TBC1D4: variants seen among roughly 807,000 people sequenced by gnomAD.
TBC1D4 encodes TBC (Tre-2, BUB2, CDC16) domain-containing protein.
TBC1D4 carries 121 observed loss-of-function variants against 142.5 expected under a neutral mutation model. The observed-to-expected ratio is 0.85, with a 90% CI of 0.73 to 0.99. The LOEUF is 0.99. TBC1D4 is among the 50% of genes least tolerant of loss of function. The pLI, the probability that TBC1D4 is intolerant of heterozygous loss-of-function variation, is 0.00. For missense variants in TBC1D4, 1,475 were observed against 1,606.6 expected (o/e 0.92, Z 1.40); for synonymous variants, 630 against 628.2 (o/e 1.00, Z -0.04).
intron 1 of TBC1D4, among the ~76,000 whole-genome samples, chr13:75,480,042 A>AC (rs1227222066): frequency 1.3e-5 from 2 of 151,880 alleles, no homozygotes; most frequent in African/African-American, 4.8e-5. Flanking sequence ...AAAAAAAAAA[A>AC]ACCTATTTTT....
chr13:75,335,402 C>A (rs990722823), intron 8 of TBC1D4, among the ~76,000 whole-genome samples: 3 of 152,126 alleles, frequency 2.0e-5, no homozygotes, highest in Non-Finnish European at 4.4e-5. Flanking sequence ...GAAGGGGAAC[C>A]ATTTTGCTTA....
At chr13:75,323,993 A>G (rs1879000954) in intron 11 of TBC1D4, among the ~76,000 whole-genome samples, 1 of 152,192 alleles carries the variant, frequency 6.6e-6, no homozygotes, top group Non-Finnish European at 1.5e-5. Flanking sequence ...GAAACACACA[A>G]ACAATACAAA....
At chr13:75,341,056 A>T (rs1257255787) in intron 7 of TBC1D4, 69 bp downstream of exon 7, 17 of 1,409,110 alleles carry the variant, frequency 1.2e-5, no homozygotes, top group Non-Finnish European at 1.6e-5. Context: ...ACCTGAGAGT[A>T]CAAAGGGAAG....
chr13:75,407,104 C>T (rs1026071625), intron 1 of TBC1D4, among the ~76,000 whole-genome samples: 4 of 152,176 alleles, frequency 2.6e-5, no homozygotes, highest in Non-Finnish European at 4.4e-5. Context: ...TTCATCCAGC[C>T]CCCTCAATGA....
At chr13:75,313,590 C>T (rs557357327) in intron 12 of TBC1D4, among the ~76,000 whole-genome samples, 2 of 152,354 alleles carry the variant, frequency 1.3e-5, no homozygotes, top group East Asian at 3.9e-4. Context: ...GGCGCAATCA[C>T]AGCTCATTGC....
At chr13:75,341,968 A>G (rs1880742385) in intron 5 of TBC1D4, among the ~76,000 whole-genome samples, 1 of 152,210 alleles carries the variant, frequency 6.6e-6, no homozygotes, top group Admixed American at 6.5e-5. Flanking sequence ...TGGCCACAGT[A>G]TGGCAGGACT....
intron 8 of TBC1D4, among the ~76,000 whole-genome samples, chr13:75,335,545 T>C (rs1880124526): frequency 6.6e-6 from 1 of 152,156 alleles, no homozygotes; most frequent in Non-Finnish European, 1.5e-5. Context: ...TCATGTCAGA[T>C]TGTAATTCCC....
intron 19 of TBC1D4, among the ~76,000 whole-genome samples, 176 bp downstream of exon 19, chr13:75,291,926 G>A (rs1044774257): frequency 6.6e-6 from 1 of 152,178 alleles, no homozygotes; most frequent in East Asian, 1.9e-4. Context: ...AGCATTTTTT[G>A]TGCATAGCCA....
chr13:75,422,561 C>A (rs1555320019), intron 1 of TBC1D4, among the ~76,000 whole-genome samples: 1 of 152,084 alleles, frequency 6.6e-6, no homozygotes, highest in African/African-American at 2.4e-5. Flanking sequence ...AAAGAAAATC[C>A]TTTCGAACTT....
chr13:75,293,783 G>GTA (rs1211415610), intron 18 of TBC1D4, among the ~76,000 whole-genome samples: 2 of 152,058 alleles, frequency 1.3e-5, no homozygotes, highest in Non-Finnish European at 1.5e-5. Context: ...TTGTAATCTG[G>GTA]TATATATATA....
chr13:75,468,767 T>G (rs192925649), intron 1 of TBC1D4, among the ~76,000 whole-genome samples: 1 of 152,312 alleles, frequency 6.6e-6, no homozygotes, highest in Non-Finnish European at 1.5e-5. Flanking sequence ...AATCTGCTCC[T>G]GTGGACTTAA....
chr13:75,292,053 A>G, intron 19 of TBC1D4, 49 bp downstream of exon 19: 2 of 1,482,082 alleles, frequency 1.3e-6, no homozygotes, highest in Non-Finnish European at 1.9e-6. Context: ...TTTAATATAT[A>G]TTCAGTAGAG....
chr13:75,334,141 C>T (rs1880001698), intron 8 of TBC1D4, among the ~76,000 whole-genome samples: 1 of 152,000 alleles, frequency 6.6e-6, no homozygotes, highest in African/African-American at 2.4e-5. Context: ...TCAATATATT[C>T]ATTTATTTTT....
chr13:75,439,640 T>A (rs962450976), intron 1 of TBC1D4, among the ~76,000 whole-genome samples: 1 of 152,180 alleles, frequency 6.6e-6, no homozygotes, highest in African/African-American at 2.4e-5. Flanking sequence ...CTGGCAAGGT[T>A]TTTGTTGTTG....
chr13:75,380,638 G>A (rs966238593), intron 1 of TBC1D4, among the ~76,000 whole-genome samples: 10 of 151,506 alleles, frequency 6.6e-5, no homozygotes, highest in Admixed American at 1.3e-4. Context: ...GTTCCCACAC[G>A]TTAACTCTAC....
intron 1 of TBC1D4, among the ~76,000 whole-genome samples, chr13:75,409,898 G>A (rs1167153782): frequency 6.6e-6 from 1 of 152,134 alleles, no homozygotes; most frequent in Non-Finnish European, 1.5e-5. Flanking sequence ...ATCATCTCTG[G>A]AGGAAATGAA....
rs113011284 is a variant in TBC1D4, at chr13:75,348,187, T to C, written c.1408+983A>G. Reference sequence around the variant, plus strand: ...AAAAACCTGTGTTTGATCACATAGTTGTGTAAACATTCAACGAATACTGTT... The same window carrying C: ...AAAAACCTGTGTTTGATCACATAGTCGTGTAAACATTCAACGAATACTGTT... On this transcript the variant is annotated intron_variant, in intron 5 of 20. Transcript: ENST00000377636. 4.2e-3 allele frequency among the ~76,000 whole-genome samples: 646 copies of C among 152,280 alleles called. 13 individuals are homozygous for C. In the South Asian group the frequency reaches 0.054, roughly 13 times the overall value.
intron 1 of TBC1D4, among the ~76,000 whole-genome samples, chr13:75,368,730 G>C (rs1257534208): frequency 1.3e-5 from 2 of 152,112 alleles, no homozygotes; most frequent in Non-Finnish European, 2.9e-5. Flanking sequence ...AAAAATCTGG[G>C]GAATCATGAT....
chr13:75,382,091 T>C (rs1883887252), intron 1 of TBC1D4, among the ~76,000 whole-genome samples: 1 of 69,390 alleles, frequency 1.4e-5, no homozygotes, highest in Non-Finnish European at 3.5e-5. Context: ...TCATTAGCTC[T>C]TTCCACTTGG....
Sources: gnomAD v4.1 joint callset for allele counts (sites outside exome capture counted in the v4.1 genomes callset) on GRCh38, gnomAD v4.1.1 for gene constraint, MANE v1.5 for transcripts, NCBI Gene and HGNC (gene_info 2026-07-23, HGNC 2026-07-21) for gene names.